Variants in SLC45A2 observed in about 807,000 individuals in gnomAD.
SLC45A2 encodes solute carrier family 45 member 2, also known as membrane-associated transporter protein.
In SLC45A2, 36 loss-of-function variants were observed where a neutral mutation model predicts 45.5. The ratio of observed to expected loss-of-function variants is 0.79; its 90% CI spans 0.61 to 1.04. The LOEUF (loss-of-function observed/expected upper bound fraction) is 1.04. Ranked by LOEUF, SLC45A2 falls within the 50% of genes least tolerant of loss-of-function variation. The pLI, the probability that SLC45A2 is intolerant of heterozygous loss-of-function variation, is 0.00. For synonymous variants in SLC45A2, 306 were observed against 269.3 expected (o/e 1.14, Z -1.33); for missense variants, 719 against 671.0 (o/e 1.07, Z -0.79).
intron 3 of SLC45A2, among the ~76,000 whole-genome samples, chr5:33,956,904 A>G (rs1041291259): frequency 2.6e-5 from 4 of 152,124 alleles, no homozygotes; most frequent in African/African-American, 9.7e-5. Flanking sequence ...TTAAGAAATA[A>G]AGTTTATTCT....
At chr5:33,958,127 T>A (rs374842260) in intron 3 of SLC45A2, among the ~76,000 whole-genome samples, 1 of 152,064 alleles carries the variant, frequency 6.6e-6, no homozygotes, top group African/African-American at 2.4e-5. Context: ...TACAGAGTCA[T>A]CAGGGAGAAA....
In SLC45A2 at chr5:33,963,918, AGAAGAACAT is replaced by A; in HGVS notation, c.652_660del (p.Met218_Phe220del). On this transcript the variant is annotated inframe_deletion, in exon 3 of 7. Coordinates refer to ENST00000296589, the MANE Select transcript of SLC45A2 (RefSeq NM_016180.5). Reference sequence around the variant, plus strand: ...CACAAAGTGAGCACCAATGCAGAGAAGAAGAACATGACCTGGAATTCTGTACCCAACAGT... The same window carrying A: ...CACAAAGTGAGCACCAATGCAGAGAAGACCTGGAATTCTGTACCCAACAGT... 1 of 1,614,228 alleles carries A rather than the reference AGAAGAACAT, an allele frequency of 6.2e-7. No individual in the cohort carries two copies. Among genetic ancestry groups the A allele is most frequent in the African/African-American group, 1.3e-5 (1 of 75,084 alleles).
chr5:33,951,705 G>A, intron 4 of SLC45A2, 28 bp from the exon 5 acceptor site: 1 of 1,614,036 alleles, frequency 6.2e-7, no homozygotes, highest in East Asian at 2.2e-5. Flanking sequence ...GGCTGTTGAG[G>A]TACAAATGCA....
rs114842598 is a variant in SLC45A2 at position 33,957,421 on chromosome 5, T to A, written c.889-2917A>T. On this transcript the variant is annotated intron_variant, in intron 3 of 6. Transcript: ENST00000296589. ...TGTGGAAAATTATATTCGCCCATTT[T>A]AATTTTGTTGTGTAAGTTGATTTTT... Among the ~76,000 whole-genome samples, 901 of 152,314 alleles carry A rather than the reference T, an allele frequency of 5.9e-3. 9 individuals carry two copies. Among genetic ancestry groups the A allele is most frequent in the African/African-American group, 0.021 (871 of 41,572 alleles).
intron 2 of SLC45A2, among the ~76,000 whole-genome samples, chr5:33,973,619 C>G (rs1752845874): frequency 6.6e-6 from 1 of 152,154 alleles, no homozygotes; most frequent in Admixed American, 6.5e-5. Context: ...TGCATGTTCG[C>G]ATTTTTTGTG....
intron 2 of SLC45A2, among the ~76,000 whole-genome samples, chr5:33,969,923 T>C (rs749993015): frequency 6.6e-6 from 1 of 152,194 alleles, no homozygotes; most frequent in Non-Finnish European, 1.5e-5. Context: ...TCTGGAGCCA[T>C]TTATGGCTGT....
At chr5:33,961,863 T>C (rs2111955679) in intron 3 of SLC45A2, among the ~76,000 whole-genome samples, 1 of 152,312 alleles carries the variant, frequency 6.6e-6, no homozygotes, top group South Asian at 2.1e-4. Context: ...TGTTAGCCTG[T>C]TCCTACAAGA....
Position 33,962,989 on chromosome 5 carries a change from CATCTGCACGTCCTAT to C in SLC45A2, c.888+687_888+701del, listed in dbSNP as rs1178699089. 7.9e-5 allele frequency among the ~76,000 whole-genome samples: 12 copies of C among 152,356 alleles called. No individual in the cohort carries two copies. The East Asian group carries it at 1.3e-3, about 17-fold the overall frequency. On this transcript the variant is annotated intron_variant, in intron 3 of 6. Transcript: ENST00000296589. ...GTTCTACAATGATGGGAATGTCTTACATCTGCACGTCCTATATTTTAGCTAGAAGCCCTATGGGGC... is the reference window on the plus strand; with the variant it reads ...GTTCTACAATGATGGGAATGTCTTACATTTTAGCTAGAAGCCCTATGGGGC...
intron 2 of SLC45A2, 146 bp downstream of exon 2, chr5:33,982,090 G>T: frequency 1.2e-6 from 1 of 869,332 alleles, no homozygotes; most frequent in Non-Finnish European, 1.9e-6. Flanking sequence ...GAAATGCACG[G>T]GGAGACAGTG....
At chr5:33,961,520 C>T (rs552683607) in intron 3 of SLC45A2, among the ~76,000 whole-genome samples, 1 of 152,248 alleles carries the variant, frequency 6.6e-6, no homozygotes, top group South Asian at 2.1e-4. Context: ...AAGTACTTTT[C>T]CCCCAAAATC....
At chr5:33,974,201 G>A (rs1430959801) in intron 2 of SLC45A2, among the ~76,000 whole-genome samples, 1 of 152,204 alleles carries the variant, frequency 6.6e-6, no homozygotes, top group Non-Finnish European at 1.5e-5. Context: ...GTGGTGAGAA[G>A]ATGCGGGTGG....
intron 2 of SLC45A2, chr5:33,972,054 T>G (rs1386211487): frequency 4.1e-6 from 2 of 484,738 alleles, no homozygotes; most frequent in Non-Finnish European, 8.4e-6. Context: ...GACTGCAATT[T>G]CTTAAAGGTT....
chr5:33,982,518 A>C (rs1175466279), intron 1 of SLC45A2, 106 bp from the exon 2 acceptor site: 1 of 1,188,314 alleles, frequency 8.4e-7, no homozygotes, highest in Non-Finnish European at 1.2e-6. Flanking sequence ...CCTTGCTTTT[A>C]TTTTGCTTTT....
At chr5:33,975,413 T>C (rs116765614) in intron 2 of SLC45A2, among the ~76,000 whole-genome samples, 161 of 152,074 alleles carry the variant, frequency 1.1e-3, no homozygotes, top group African/African-American at 3.7e-3. Context: ...GCAGGAGGGG[T>C]AGATAAATAC....
At chr5:33,967,150 AG>A (rs1342849566) in intron 2 of SLC45A2, among the ~76,000 whole-genome samples, 1 of 152,234 alleles carries the variant, frequency 6.6e-6, no homozygotes, top group Non-Finnish European at 1.5e-5. Context: ...AACTGGCTGA[AG>A]GCAGCCTGCC....
intron 2 of SLC45A2, among the ~76,000 whole-genome samples, chr5:33,977,670 C>G (rs1456759510): frequency 6.6e-6 from 1 of 152,128 alleles, no homozygotes; most frequent in Non-Finnish European, 1.5e-5. Flanking sequence ...TTTTGAACAC[C>G]TACAATATGC....
intron 6 of SLC45A2, among the ~76,000 whole-genome samples, chr5:33,945,614 C>A (rs940846134): frequency 3.9e-5 from 6 of 152,076 alleles, no homozygotes; most frequent in African/African-American, 1.4e-4. Context: ...TCATTACCCC[C>A]ATGGTAACAA....
intron 3 of SLC45A2, among the ~76,000 whole-genome samples, chr5:33,963,211 A>G (rs1396495774): frequency 6.6e-6 from 1 of 152,180 alleles, no homozygotes; most frequent in Admixed American, 6.5e-5. Flanking sequence ...GTTGAGTTTT[A>G]TTTCAAATTT....
chr5:33,983,760 A>G (rs937837704), intron 1 of SLC45A2, among the ~76,000 whole-genome samples: 1 of 152,252 alleles, frequency 6.6e-6, no homozygotes, highest in Non-Finnish European at 1.5e-5. Flanking sequence ...AACGCTCTAC[A>G]TAAAACTATG....
Sources: allele counts gnomAD v4.1 joint callset (sites outside exome capture counted in the v4.1 genomes callset), GRCh38; gene constraint gnomAD v4.1.1; transcripts MANE v1.5; gene names NCBI Gene and HGNC (gene_info 2026-07-23, HGNC 2026-07-21).